Variants in HPSE2 observed in about 807,000 individuals in gnomAD.
The protein encoded by HPSE2 is inactive heparanase-2.
In HPSE2, 38 loss-of-function variants were observed where a neutral mutation model predicts 60.5. That is an observed-to-expected ratio of 0.63 (90% confidence interval 0.48 to 0.82). The LOEUF is 0.82. HPSE2 is among the 40% of genes least tolerant of loss of function. The pLI is 0.00. For missense variants in HPSE2, 713 were observed against 740.4 expected, an observed-to-expected ratio of 0.96 and a Z score of 0.43; for synonymous variants, 295 against 293.2, an observed-to-expected ratio of 1.01 and a Z score of -0.06.
chr10:99,080,223 T>C (rs1208712486), intron 3 of HPSE2, among the ~76,000 whole-genome samples: 1 of 149,876 alleles, frequency 6.7e-6, no homozygotes, highest in Non-Finnish European at 1.5e-5. Context: ...AAAAATTCTG[T>C]TTGAGTTTTA....
chr10:99,204,247 G>A (rs1848670021), intron 2 of HPSE2, among the ~76,000 whole-genome samples: 1 of 151,968 alleles, frequency 6.6e-6, no homozygotes. Context: ...CACCCCAGTA[G>A]ATCCAGGCTC....
intron 2 of HPSE2, among the ~76,000 whole-genome samples, chr10:99,184,819 T>TATATATAC (rs1554912295): frequency 5.0e-5 from 1 of 19,858 alleles, no homozygotes; most frequent in African/African-American, 1.7e-4. Context: ...TATATATATA[T>TATATATAC]AGAGAGAGAG....
intron 6 of HPSE2, among the ~76,000 whole-genome samples, chr10:98,666,784 G>T (rs1365648638): frequency 6.6e-6 from 1 of 152,154 alleles, no homozygotes; most frequent in Non-Finnish European, 1.5e-5. Context: ...CACTAAAGTG[G>T]TGGTAAGAGA....
chr10:98,794,004 G>GT (rs1950716139), intron 3 of HPSE2, among the ~76,000 whole-genome samples: 1 of 152,132 alleles, frequency 6.6e-6, no homozygotes, highest in South Asian at 2.1e-4. Flanking sequence ...AAACTGTAAA[G>GT]TTTTTTCTAA....
intron 3 of HPSE2, among the ~76,000 whole-genome samples, chr10:98,823,118 C>T (rs1047945417): frequency 1.3e-5 from 2 of 152,046 alleles, no homozygotes; most frequent in Admixed American, 6.6e-5. Context: ...GAGCCAGAAG[C>T]CAAAGAATGT....
rs192631149 is a variant in HPSE2, at chr10:98,751,610, T to C, written c.611-7554A>G. 6.6e-5 allele frequency among the ~76,000 whole-genome samples: 10 copies of C among 152,342 alleles called. No homozygotes were observed. In the East Asian group the frequency reaches 1.5e-3, roughly 24 times the overall value. On this transcript the variant is annotated intron_variant, in intron 3 of 11. Coordinates refer to ENST00000370552, the MANE Select transcript of HPSE2 (RefSeq NM_021828.5). ...CTCCAGAAGGAAAAATGGGTGCCTA[T>C]AGAACAGTATCAACTTATTCTAATT...
At chr10:98,776,960 G>C (rs1308520586) in intron 3 of HPSE2, among the ~76,000 whole-genome samples, 1 of 152,112 alleles carries the variant, frequency 6.6e-6, no homozygotes, top group Non-Finnish European at 1.5e-5. Context: ...ATCTTACATA[G>C]GTGATAGAGA....
At chr10:98,534,611 G>A (rs536939850) in intron 9 of HPSE2, among the ~76,000 whole-genome samples, 1 of 152,180 alleles carries the variant, frequency 6.6e-6, no homozygotes, top group East Asian at 1.9e-4. Flanking sequence ...CACCATGTTG[G>A]CCAGGCTGGT....
At chr10:98,976,933 A>C (rs999940353) in intron 3 of HPSE2, among the ~76,000 whole-genome samples, 2 of 152,144 alleles carry the variant, frequency 1.3e-5, no homozygotes, top group East Asian at 3.9e-4. Flanking sequence ...ATAGAAGAAG[A>C]GGAGGCAATG....
chr10:98,799,659 A>G (rs944248754), intron 3 of HPSE2, among the ~76,000 whole-genome samples: 1 of 152,206 alleles, frequency 6.6e-6, no homozygotes, highest in African/African-American at 2.4e-5. Flanking sequence ...ACACATGGAA[A>G]TTAAACAATA....
chr10:98,488,518 A>G lies in HPSE2; in HGVS notation c.1466+1533T>C, dbSNP rs114585648. ...GAGGATGAACACTCGAGATCACGTGAGGAGGCTTCTATGAGGAGACGCAAA... is the reference window on the plus strand; with the variant it reads ...GAGGATGAACACTCGAGATCACGTGGGGAGGCTTCTATGAGGAGACGCAAA... On this transcript the variant is annotated intron_variant, in intron 10 of 11. Transcript: ENST00000370552. Among the ~76,000 whole-genome samples the G allele has an allele frequency of 3.4e-3, 512 of 152,348 alleles. 5 individuals are homozygous for G. The highest frequency in any genetic ancestry group is 0.012 in the African/African-American group (482 of 41,580).
chr10:99,245,746 A>C, the HPSE2 span, among the ~76,000 whole-genome samples: 4 of 152,222 alleles, frequency 2.6e-5, no homozygotes, highest in Admixed American at 2.6e-4. Flanking sequence ...AAATATGTAT[A>C]TTCCCTAAGA....
intron 3 of HPSE2, among the ~76,000 whole-genome samples, chr10:98,801,846 A>T (rs1384775359): frequency 1.3e-5 from 2 of 152,156 alleles, no homozygotes; most frequent in South Asian, 2.1e-4. Flanking sequence ...AAACAATCCT[A>T]AAATTTATAT....
intron 7 of HPSE2, among the ~76,000 whole-genome samples, chr10:98,626,124 G>T (rs201930723): frequency 1.1e-5 from 1 of 89,226 alleles, no homozygotes; most frequent in Non-Finnish European, 2.5e-5. Flanking sequence ...AAAAGAAAAA[G>T]AAAAAAGAAA....
At chr10:99,052,470 A>G (rs999753730) in intron 3 of HPSE2, among the ~76,000 whole-genome samples, 1 of 152,170 alleles carries the variant, frequency 6.6e-6, no homozygotes, top group East Asian at 1.9e-4. Context: ...GAATCTCAAA[A>G]AGAGAAAAGT....
chr10:99,095,424 C>T (rs1041217646), intron 3 of HPSE2, among the ~76,000 whole-genome samples: 1 of 152,152 alleles, frequency 6.6e-6, no homozygotes, highest in Non-Finnish European at 1.5e-5. Context: ...TTCTGCTATA[C>T]TTCAACCATT....
chr10:98,937,550 G>T lies in HPSE2; in HGVS notation c.611-193494C>A, dbSNP rs1289784804. ...GGCTGGGGGAGGGGTGCCCACCATT[G>T]CCCAGGCTTTCTTAGGTAAACAAAG... On this transcript the variant is annotated intron_variant, in intron 3 of 11. Coordinates refer to ENST00000370552, the MANE Select transcript of HPSE2 (RefSeq NM_021828.5). Among the ~76,000 whole-genome samples the T allele has an allele frequency of 2.8e-5, 4 of 144,314 alleles. 1 individual carries two copies. Among genetic ancestry groups the T allele is most frequent in the African/African-American group, 1.1e-4 (4 of 35,676 alleles). 94.7% of individuals were successfully genotyped at this position (144,314 alleles called of 152,430 possible). A position where few individuals can be genotyped will look rare whatever the true frequency, so the allele number is the denominator to read the frequency against.
intron 11 of HPSE2, chr10:98,461,711 C>T: frequency 2.2e-6 from 3 of 1,364,860 alleles, no homozygotes; most frequent in South Asian, 1.3e-5. Context: ...GCTAGAAAAC[C>T]TTCAATGGTT....
intron 3 of HPSE2, among the ~76,000 whole-genome samples, chr10:98,828,663 T>C (rs934887499): frequency 1.5e-4 from 23 of 152,264 alleles, no homozygotes; most frequent in Admixed American, 8.5e-4. Flanking sequence ...TCACTTCACA[T>C]CCATTAGAAT....
Sources: gnomAD v4.1 joint callset for allele counts (sites outside exome capture counted in the v4.1 genomes callset) on GRCh38, gnomAD v4.1.1 for gene constraint, MANE v1.5 for transcripts, NCBI Gene and HGNC (gene_info 2026-07-23, HGNC 2026-07-21) for gene names.